The following PBX1 variants were observed in gnomAD, a reference collection of about 807,000 sequenced individuals.
The protein encoded by PBX1 is pre-B-cell leukemia transcription factor 1.
Under a neutral mutation model 53.4 loss-of-function variants are expected in PBX1, and 6 were observed. The ratio of observed to expected loss-of-function variants is 0.11; its 90% confidence interval spans 0.06 to 0.22. The LOEUF (loss-of-function observed/expected upper bound fraction) is 0.22, where lower values mean the gene tolerates loss of function less well. Ranked by LOEUF, PBX1 falls within the 10% of genes least tolerant of loss-of-function variation. The pLI, the probability that PBX1 is intolerant of heterozygous loss-of-function variation, is 1.00. For synonymous variants in PBX1, 204 were observed against 212.3 expected, an observed-to-expected ratio of 0.96 and a Z score of 0.34; for missense variants, 251 against 551.4, an observed-to-expected ratio of 0.46 and a Z score of 5.46.
At chr1:164,757,649 C>A (rs1666600474) in intron 2 of PBX1, among the ~76,000 whole-genome samples, 2 of 152,094 alleles carry the variant, frequency 1.3e-5, no homozygotes, top group South Asian at 4.1e-4. Context: ...TGGGTATTGA[C>A]AAGGAATAAG....
intron 2 of PBX1, chr1:164,642,579 A>G (rs1320531457): frequency 6.6e-6 from 1 of 152,202 alleles, no homozygotes; most frequent in Non-Finnish European, 1.5e-5. Flanking sequence ...TCTGTGGTAG[A>G]TGGTAAGTGT....
intron 6 of PBX1, chr1:164,813,499 A>G (rs1669722214): frequency 6.6e-6 from 1 of 152,196 alleles, no homozygotes; most frequent in Admixed American, 6.5e-5. Context: ...ATAACCAGAG[A>G]GAGTTCCATC....
intron 2 of PBX1, among the ~76,000 whole-genome samples, chr1:164,604,594 G>A (rs1369719296): frequency 6.6e-6 from 1 of 152,186 alleles, no homozygotes; most frequent in Non-Finnish European, 1.5e-5. Context: ...TCTGTCCTGA[G>A]AGCCGTTGCC....
Position 164,851,294 on chromosome 1 carries a change from TAAGC to T in PBX1, c.*4622_*4625del, listed in dbSNP as rs764394551. On this transcript the variant is annotated 3_prime_UTR_variant, in exon 9 of 9. Transcript: ENST00000420696. The stretch of plus-strand genomic sequence containing the variant: ...TTATGTTCAGAAAGTGGTCAGAACT[TAAGC>T]AAGAAAAGTAAAGAAAGAATGCAGA... The T allele has an allele frequency of 3.9e-5, 8 of 205,332 alleles. No homozygotes were observed. The highest frequency in any genetic ancestry group is 6.0e-5 in the Non-Finnish European group (6 of 100,334). 12.7% of individuals were successfully genotyped at this position (205,332 alleles called of 1,614,324 possible).
chr1:164,588,933 C>T, intron 2 of PBX1, among the ~76,000 whole-genome samples: 1 of 152,124 alleles, frequency 6.6e-6, no homozygotes, highest in East Asian at 1.9e-4. Flanking sequence ...GAATCTTTCT[C>T]TCTTTTTTGA....
intron 8 of PBX1, among the ~76,000 whole-genome samples, chr1:164,845,554 A>G (rs532796626): frequency 6.6e-6 from 1 of 152,352 alleles, no homozygotes; most frequent in East Asian, 1.9e-4. Context: ...TTATATTTCA[A>G]TGCTTTAAAA....
chr1:164,685,555 A>G (rs2102007926), intron 2 of PBX1, among the ~76,000 whole-genome samples: 1 of 152,310 alleles, frequency 6.6e-6, no homozygotes, highest in African/African-American at 2.4e-5. Flanking sequence ...ATAATGTGAG[A>G]GTATTTGTTT....
intron 2 of PBX1, among the ~76,000 whole-genome samples, chr1:164,567,252 A>G (rs1009935089): frequency 2.6e-5 from 4 of 152,180 alleles, no homozygotes; most frequent in Non-Finnish European, 5.9e-5. Context: ...TTGCGGGAAG[A>G]GAATTCTGAT....
intron 2 of PBX1, among the ~76,000 whole-genome samples, chr1:164,751,460 C>T (rs983096820): frequency 1.7e-4 from 26 of 152,028 alleles, no homozygotes; most frequent in African/African-American, 6.3e-4. Flanking sequence ...TCTTTTAAGT[C>T]AGACCTTAAA....
chr1:164,627,407 C>G (rs1658117600), intron 2 of PBX1, among the ~76,000 whole-genome samples: 1 of 152,070 alleles, frequency 6.6e-6, no homozygotes, highest in African/African-American at 2.4e-5. Flanking sequence ...AATTGCTTGG[C>G]CTAATCATTG....
At chr1:164,602,984 C>T (rs747226815) in intron 2 of PBX1, among the ~76,000 whole-genome samples, 13 of 152,164 alleles carry the variant, frequency 8.5e-5, no homozygotes, top group African/African-American at 2.4e-4. Flanking sequence ...TCCTGAGTGT[C>T]GGGTTTCAGC....
intron 2 of PBX1, among the ~76,000 whole-genome samples, chr1:164,786,720 T>TGTGTGCGCGCGCGCGCGC (rs1357886882): frequency 2.6e-5 from 3 of 116,296 alleles, no homozygotes; most frequent in African/African-American, 1.0e-4. Context: ...TGTGTGTGTG[T>TGTGTGCGCGCGCGCGCGC]GCGCGCGCAC....
At chr1:164,819,704 T>C (rs932351884) in intron 6 of PBX1, 1 of 171,484 alleles carries the variant, frequency 5.8e-6, no homozygotes, top group African/African-American at 2.4e-5. Context: ...AGCCTCCATC[T>C]TGTGGTCCCC....
chr1:164,559,933 C>A lies in PBX1; in HGVS notation c.111C>A (p.Gly37=). 1.0e-6 allele frequency: 1 copy of A among 992,024 alleles called. No individual in the cohort carries two copies. Among genetic ancestry groups the A allele is most frequent in the Non-Finnish European group, 1.5e-6 (1 of 670,148 alleles). 61.5% of individuals were successfully genotyped at this position (992,024 alleles called of 1,614,324 possible). The change falls in exon 1 of 9, where the codon GGC becomes GGA. Residue 37 remains glycine (G), a synonymous_variant. Transcript: ENST00000420696. ...QDGAGGTEGE[G]GRKQDIGDIL... ...GGGCCGGAGGGACCGAGGGGGAGGG[C>A]GGGAGGAAGCAGGACATTGGAGACA... is the stretch of plus-strand genomic sequence containing the variant.
At chr1:164,616,844 A>G (rs1336947419) in intron 2 of PBX1, among the ~76,000 whole-genome samples, 1 of 152,194 alleles carries the variant, frequency 6.6e-6, no homozygotes, top group Non-Finnish European at 1.5e-5. Flanking sequence ...ATTTCACATA[A>G]TCCTCATAAT....
At chr1:164,798,710 T>C (rs1668909485) in intron 3 of PBX1, among the ~76,000 whole-genome samples, 1 of 152,238 alleles carries the variant, frequency 6.6e-6, no homozygotes, top group Admixed American at 6.5e-5. Flanking sequence ...TATGCTAGTT[T>C]ATAACCTGAG....
At position 164,559,954 on chromosome 1, in the gene PBX1, A is replaced by G; in HGVS notation, c.132A>G (p.Gly44=). The G allele has an allele frequency of 6.5e-7, 1 of 1,542,104 alleles. No homozygotes were observed. The highest frequency in any genetic ancestry group is 1.2e-5 in the South Asian group (1 of 82,848). The change falls in exon 1 of 9, where the codon GGA becomes GGG. Residue 44 remains glycine, a synonymous_variant. Transcript: ENST00000420696. ...EGEGGRKQDI[G]DILQQIMTIT... Reference sequence around the variant, plus strand: ...AGGGCGGGAGGAAGCAGGACATTGGAGACATTTTACAGCAAATTATGACCA... The same window carrying G: ...AGGGCGGGAGGAAGCAGGACATTGGGGACATTTTACAGCAAATTATGACCA...
At position 164,792,073 on chromosome 1, in the gene PBX1, AC is replaced by A. The variant is rs368366243; in HGVS notation, c.266-420del. ...CTCCTGACCTCGTGATCAACCCCCC[AC>A]TCAGCCTCCCAAAGTGCCGAATTTA... On this transcript the variant is annotated intron_variant, in intron 2 of 8. Transcript: ENST00000420696. 6.4e-4 allele frequency among the ~76,000 whole-genome samples: 97 copies of A among 151,998 alleles called. 1 individual carries two copies. Among genetic ancestry groups the A allele is most frequent in the Middle Eastern group, 3.4e-3 (1 of 294 alleles).
At chr1:164,569,351 A>C (rs1301137356) in intron 2 of PBX1, among the ~76,000 whole-genome samples, 1 of 152,102 alleles carries the variant, frequency 6.6e-6, no homozygotes, top group Non-Finnish European at 1.5e-5. Context: ...TGTGAGGTTA[A>C]ATAAGGTGAT....
Sources: gnomAD v4.1 joint callset for allele counts (sites outside exome capture counted in the v4.1 genomes callset) on GRCh38, gnomAD v4.1.1 for gene constraint, MANE v1.5 for transcripts, NCBI Gene and HGNC (gene_info 2026-07-23, HGNC 2026-07-21) for gene names.